The following ULK4 variants were observed in gnomAD, a reference collection of about 807,000 sequenced individuals.
ULK4 encodes the protein unc-51 like kinase 4.
ULK4 carries 133 observed loss-of-function variants against 160.6 expected under a neutral mutation model. The observed-to-expected ratio is 0.83, with a 90% confidence interval of 0.72 to 0.96. The LOEUF (loss-of-function observed/expected upper bound fraction) is 0.96. ULK4 is among the 40% of genes least tolerant of loss of function. The pLI, the probability that ULK4 is intolerant of heterozygous loss-of-function variation, is 0.00. For missense variants in ULK4, 1,580 were observed against 1,499.5 expected (o/e 1.05, Z -0.89); for synonymous variants, 534 against 539.8 (o/e 0.99, Z 0.15).
chr3:41,551,969 C>A (rs1211241569), intron 32 of ULK4, among the ~76,000 whole-genome samples: 1 of 151,922 alleles, frequency 6.6e-6, no homozygotes, highest in African/African-American at 2.4e-5. Context: ...ATATGCAAAT[C>A]AATAAATGTG....
rs774277175 is a variant in ULK4, at chr3:41,896,837, G to A, written c.1515C>T (p.Leu505=). 6.2e-7 allele frequency: 1 copy of A among 1,612,618 alleles called. No homozygotes were observed. The highest frequency in any genetic ancestry group is 8.5e-7 in the Non-Finnish European group (1 of 1,179,620). Residue 505 remains leucine (L), a synonymous_variant, in exon 15 of 37, where the codon CTC becomes CTT. Transcript: ENST00000301831. Reference sequence around the variant, plus strand: ...ACAGGCTTACCAGGGGGGAATGGAGGAGCCTGGTGGCCACCTCCTGGTGAC... The same window carrying A: ...ACAGGCTTACCAGGGGGGAATGGAGAAGCCTGGTGGCCACCTCCTGGTGAC... ...VAGHQEVATR[L]LHSPLFQLLI... is the part of the protein sequence containing the mutation.
chr3:41,938,538 G>A (rs187820497), intron 2 of ULK4, among the ~76,000 whole-genome samples: 39 of 152,058 alleles, frequency 2.6e-4, no homozygotes, highest in African/African-American at 6.5e-4. Context: ...AAAAATTAGC[G>A]GGGCGTGGTG....
chr3:41,331,147 G>C (rs2080434887), intron 35 of ULK4, among the ~76,000 whole-genome samples: 1 of 152,142 alleles, frequency 6.6e-6, no homozygotes, highest in South Asian at 2.1e-4. Context: ...AGCACTGTAG[G>C]TCTGGCGGGC....
At chr3:41,679,094 G>A in intron 29 of ULK4, among the ~76,000 whole-genome samples, 1 of 152,062 alleles carries the variant, frequency 6.6e-6, no homozygotes, top group East Asian at 1.9e-4. Context: ...ATATATGCCA[G>A]GAAGGCACAA....
intron 35 of ULK4, among the ~76,000 whole-genome samples, chr3:41,371,551 A>AAGCCTG (rs2081366654): frequency 6.6e-6 from 1 of 152,208 alleles, no homozygotes; most frequent in Admixed American, 6.5e-5. Context: ...AGCAGAAGAG[A>AAGCCTG]AGCCTGACTG....
rs2081823578 is a variant in ULK4, at chr3:41,386,814, C to T, written c.3678+11265G>A. On this transcript the variant is annotated intron_variant, in intron 35 of 36. Coordinates refer to ENST00000301831, the MANE Select transcript of ULK4 (RefSeq NM_017886.4). ...AGAGCTGATGTGTGGGGAAATGAGA[C>T]ATGTTCAGATGGATCTTAAGAAAGC... Among the ~76,000 whole-genome samples, 3 of 152,250 alleles carry T rather than the reference C, an allele frequency of 2.0e-5. No homozygotes were observed. The South Asian group carries it at 6.2e-4, about 32-fold the overall frequency.
At chr3:41,617,516 T>G (rs2033033343) in intron 30 of ULK4, among the ~76,000 whole-genome samples, 1 of 152,176 alleles carries the variant, frequency 6.6e-6, no homozygotes, top group South Asian at 2.1e-4. Flanking sequence ...GCAGTAGACC[T>G]GCAGAAGAGG....
chr3:41,916,543 C>T (rs1416354659), intron 7 of ULK4, among the ~76,000 whole-genome samples: 1 of 151,130 alleles, frequency 6.6e-6, no homozygotes, highest in Non-Finnish European at 1.5e-5. Context: ...CATGCACTAC[C>T]ATGCCTGACT....
At chr3:41,862,060 C>T (rs902478506) in intron 17 of ULK4, among the ~76,000 whole-genome samples, 1 of 152,108 alleles carries the variant, frequency 6.6e-6, no homozygotes, top group Non-Finnish European at 1.5e-5. Context: ...AATCCACCCT[C>T]AGCCTCCCTA....
At chr3:41,421,398 T>G (rs763434875) in intron 34 of ULK4, among the ~76,000 whole-genome samples, 14 of 152,176 alleles carry the variant, frequency 9.2e-5, no homozygotes, top group Non-Finnish European at 2.1e-4. Flanking sequence ...CATTTAGAGT[T>G]TCTTTATTTA....
chr3:41,359,273 A>G (rs963113600), intron 35 of ULK4, among the ~76,000 whole-genome samples: 1 of 152,224 alleles, frequency 6.6e-6, no homozygotes, highest in Non-Finnish European at 1.5e-5. Flanking sequence ...ACTCGAGTTC[A>G]GGCTCTGGGT....
intron 8 of ULK4, among the ~76,000 whole-genome samples, 186 bp downstream of exon 8, chr3:41,915,791 T>C (rs1698946608): frequency 6.6e-6 from 1 of 152,160 alleles, no homozygotes; most frequent in Non-Finnish European, 1.5e-5. Flanking sequence ...AAACTTTTAA[T>C]CCGAAGTCAG....
chr3:41,793,315 G>C (rs1316042562), intron 20 of ULK4, among the ~76,000 whole-genome samples: 1 of 152,100 alleles, frequency 6.6e-6, no homozygotes, highest in Non-Finnish European at 1.5e-5. Flanking sequence ...TTTTCTTACA[G>C]TCTGTTCAAT....
At chr3:41,533,035 A>G (rs1029221389) in intron 32 of ULK4, among the ~76,000 whole-genome samples, 4 of 152,208 alleles carry the variant, frequency 2.6e-5, no homozygotes, top group African/African-American at 9.7e-5. Flanking sequence ...GCCGTCTTCA[A>G]ATACTGCCAC....
chr3:41,558,989 T>C (rs2087434493), intron 32 of ULK4, among the ~76,000 whole-genome samples: 1 of 131,450 alleles, frequency 7.6e-6, no homozygotes, highest in Admixed American at 8.0e-5. Context: ...ACTCATCATT[T>C]AACATTAGGT....
At chr3:41,571,940 C>A (rs1348991891) in intron 31 of ULK4, among the ~76,000 whole-genome samples, 1 of 152,184 alleles carries the variant, frequency 6.6e-6, no homozygotes, top group African/African-American at 2.4e-5. Context: ...CAGTTATAAG[C>A]AGAGCTGCCA....
At chr3:41,771,978 C>A (rs1425281124) in intron 21 of ULK4, among the ~76,000 whole-genome samples, 1 of 152,120 alleles carries the variant, frequency 6.6e-6, no homozygotes, top group Admixed American at 6.6e-5. Context: ...ATCCCACTAC[C>A]CTCCGTCTAT....
At chr3:41,742,483 T>G (rs557554527) in intron 22 of ULK4, among the ~76,000 whole-genome samples, 46 of 151,930 alleles carry the variant, frequency 3.0e-4, no homozygotes, top group African/African-American at 1.1e-3. Context: ...CAACCAGCAA[T>G]AAAACCTCCA....
intron 35 of ULK4, among the ~76,000 whole-genome samples, chr3:41,288,469 AG>A (rs137988696): frequency 0.24 from 36,951 of 152,010 alleles, 6,568 homozygotes; most frequent in African/African-American, 0.5. Flanking sequence ...AGGTTGTCTT[AG>A]AGAGCCTTTG....
Sources: allele counts gnomAD v4.1 joint callset (sites outside exome capture counted in the v4.1 genomes callset), GRCh38; gene constraint gnomAD v4.1.1; transcripts MANE v1.5; gene names NCBI Gene and HGNC (gene_info 2026-07-23, HGNC 2026-07-21).